Variants in RANBP2 observed in about 807,000 individuals in gnomAD.
RANBP2 encodes the protein RAN binding protein 2.
RANBP2 carries 57 observed loss-of-function variants against 303.6 expected under a neutral mutation model. The observed-to-expected ratio is 0.19, with a 90% CI of 0.15 to 0.23. RANBP2 has a LOEUF of 0.23. Ranked by LOEUF, RANBP2 falls within the 10% of genes least tolerant of loss-of-function variation. The probability of loss-of-function intolerance (pLI) is 1.00; values close to 1 mark genes in which losing one functional copy is unlikely to be tolerated. For synonymous variants in RANBP2, 1,167 were observed against 1,301.5 expected (o/e 0.90, Z 2.23); for missense variants, 3,138 against 3,780.8 (o/e 0.83, Z 4.46).
At chr2:108,900,090 T>G in the RANBP2 span, among the ~76,000 whole-genome samples, 2 of 152,092 alleles carry the variant, frequency 1.3e-5, no homozygotes, top group Non-Finnish European at 2.9e-5. Context: ...AAAATCAAAA[T>G]GTATCACTCA....
the RANBP2 span, among the ~76,000 whole-genome samples, chr2:109,172,527 C>T: frequency 1.3e-5 from 2 of 152,188 alleles, no homozygotes; most frequent in Non-Finnish European, 2.9e-5. Flanking sequence ...TCTTACCTCC[C>T]TCCGCTTGTC....
the RANBP2 span, among the ~76,000 whole-genome samples, chr2:109,377,340 G>A: frequency 4.1e-3 from 631 of 152,294 alleles, 6 homozygotes; most frequent in African/African-American, 0.014. Flanking sequence ...TGGAGGTGGG[G>A]CCCAGCTGCT....
chr2:109,167,734 G>A, the RANBP2 span, among the ~76,000 whole-genome samples: 3 of 152,080 alleles, frequency 2.0e-5, no homozygotes, highest in Admixed American at 6.5e-5. Flanking sequence ...ACCACGCCTG[G>A]CTAATTTTTT....
the RANBP2 span, among the ~76,000 whole-genome samples, chr2:109,103,871 G>A: frequency 1.3e-5 from 2 of 150,916 alleles, no homozygotes; most frequent in Non-Finnish European, 1.5e-5. Context: ...TCAGCTCACT[G>A]CAAGCTCTGC....
At chr2:109,409,065 GT>G in the RANBP2 span, among the ~76,000 whole-genome samples, 1 of 152,214 alleles carries the variant, frequency 6.6e-6, no homozygotes, top group East Asian at 1.9e-4. Context: ...CCCTTTCCTT[GT>G]TGACGTTTTG....
chr2:109,037,313 G>A, the RANBP2 span, among the ~76,000 whole-genome samples: 2 of 119,168 alleles, frequency 1.7e-5, no homozygotes, highest in Admixed American at 1.1e-4. Flanking sequence ...GACAGAGCAA[G>A]ACCATGTCTC....
chr2:108,792,957 G>T, the RANBP2 span, among the ~76,000 whole-genome samples: 48 of 151,734 alleles, frequency 3.2e-4, no homozygotes, highest in African/African-American at 1.1e-3. Flanking sequence ...CCAGTTACTC[G>T]GGAGGCTGAG....
the RANBP2 span, among the ~76,000 whole-genome samples, chr2:109,392,758 G>A: frequency 6.6e-6 from 1 of 151,660 alleles, no homozygotes; most frequent in Non-Finnish European, 1.5e-5. Context: ...CTTGTGATCC[G>A]CCCACCTCAG....
the RANBP2 span, among the ~76,000 whole-genome samples, chr2:109,004,601 T>G: frequency 6.6e-6 from 1 of 152,138 alleles, no homozygotes; most frequent in Non-Finnish European, 1.5e-5. Flanking sequence ...AAAGGCACAG[T>G]GAGAAGCGAG....
the RANBP2 span, among the ~76,000 whole-genome samples, chr2:109,114,243 C>T: frequency 7.9e-5 from 12 of 152,114 alleles, no homozygotes; most frequent in South Asian, 2.1e-4. Flanking sequence ...TGATAGAATT[C>T]GGTGAATCCA....
the RANBP2 span, among the ~76,000 whole-genome samples, chr2:109,389,906 C>T: frequency 4.6e-5 from 7 of 152,132 alleles, no homozygotes; most frequent in African/African-American, 1.7e-4. Context: ...TTGGGTGGAG[C>T]GGCCATCTGC....
the RANBP2 span, among the ~76,000 whole-genome samples, chr2:109,047,411 C>T: frequency 6.6e-6 from 1 of 152,180 alleles, no homozygotes; most frequent in Non-Finnish European, 1.5e-5. Context: ...CACTCAGTTC[C>T]CATGCATGGG....
chr2:109,608,562 T>C, the RANBP2 span, among the ~76,000 whole-genome samples: 8 of 152,244 alleles, frequency 5.3e-5, no homozygotes, highest in African/African-American at 1.7e-4. Flanking sequence ...GAGCCCATCC[T>C]ACCTGGCACA....
the RANBP2 span, among the ~76,000 whole-genome samples, chr2:108,865,971 T>C: frequency 4.6e-5 from 7 of 152,150 alleles, no homozygotes; most frequent in Non-Finnish European, 8.8e-5. Flanking sequence ...GGGTACCTCT[T>C]TCTCTTCCTG....
At chr2:109,763,510 G>A in the RANBP2 span, among the ~76,000 whole-genome samples, 94 of 150,272 alleles carry the variant, frequency 6.3e-4, no homozygotes, top group African/African-American at 2.1e-3. Flanking sequence ...GGACAGCTCC[G>A]AAATTAATTA....
chr2:109,026,264 G>C, the RANBP2 span, among the ~76,000 whole-genome samples: 1 of 145,970 alleles, frequency 6.9e-6, no homozygotes, highest in African/African-American at 2.5e-5. Context: ...CTCCAGAGTA[G>C]CTGGGACTAT....
the RANBP2 span, among the ~76,000 whole-genome samples, chr2:109,221,897 C>A: frequency 6.6e-6 from 1 of 152,040 alleles, no homozygotes; most frequent in Non-Finnish European, 1.5e-5. Flanking sequence ...CAAAGGGATA[C>A]CTGCACCCCT....
chr2:109,663,901 T>A, the RANBP2 span, among the ~76,000 whole-genome samples: 10 of 152,210 alleles, frequency 6.6e-5, no homozygotes, highest in Admixed American at 6.5e-4. Context: ...AAAGCTCTAA[T>A]GAGACCAGTG....
the RANBP2 span, among the ~76,000 whole-genome samples, chr2:109,602,494 G>A: frequency 6.6e-6 from 1 of 151,970 alleles, no homozygotes; most frequent in Non-Finnish European, 1.5e-5. Context: ...TGACCAAAAT[G>A]GTGAAACCCC....
Sources: gnomAD v4.1 joint callset for allele counts (sites outside exome capture counted in the v4.1 genomes callset) on GRCh38, gnomAD v4.1.1 for gene constraint, MANE v1.5 for transcripts, NCBI Gene and HGNC (gene_info 2026-07-23, HGNC 2026-07-21) for gene names.